Variants in DCC observed in about 807,000 individuals in gnomAD.
The protein encoded by DCC is DCC netrin 1 receptor.
DCC carries 58 observed loss-of-function variants against 172.5 expected under a neutral mutation model. The ratio of observed to expected loss-of-function variants is 0.34; its 90% confidence interval spans 0.27 to 0.42. The LOEUF is 0.42. Ranked by LOEUF, DCC falls within the 10% of genes least tolerant of loss-of-function variation. The pLI is 1.00. For synonymous variants in DCC, 709 were observed against 644.5 expected (o/e 1.10, Z -1.52); for missense variants, 1,740 against 1,791.0 (o/e 0.97, Z 0.51).
chr18:53,128,051 C>A (rs1175659710), intron 7 of DCC, among the ~76,000 whole-genome samples: 1 of 152,000 alleles, frequency 6.6e-6, no homozygotes, highest in African/African-American at 2.4e-5. Flanking sequence ...ACATAGCTGG[C>A]AAAGTGACTC....
At chr18:53,111,261 AG>A (rs2043326753) in intron 7 of DCC, among the ~76,000 whole-genome samples, 1 of 70,130 alleles carries the variant, frequency 1.4e-5, no homozygotes, top group South Asian at 6.3e-4. Context: ...GGGTGGGGGG[AG>A]GGGGGAGGGA....
At chr18:53,109,117 A>G (rs2043293875) in intron 7 of DCC, among the ~76,000 whole-genome samples, 1 of 151,434 alleles carries the variant, frequency 6.6e-6, no homozygotes, top group Non-Finnish European at 1.5e-5. Flanking sequence ...ATCTCATTGT[A>G]GCTTTAATAT....
chr18:52,977,187 G>A (rs1414419720), intron 5 of DCC, among the ~76,000 whole-genome samples: 2 of 151,640 alleles, frequency 1.3e-5, no homozygotes, highest in African/African-American at 4.8e-5. Context: ...AGTCATTTTT[G>A]CTGGGAAAAA....
At chr18:52,604,281 T>C (rs1326941616) in intron 1 of DCC, among the ~76,000 whole-genome samples, 3 of 152,090 alleles carry the variant, frequency 2.0e-5, no homozygotes, top group Non-Finnish European at 2.9e-5. Context: ...GTCAGTCCCA[T>C]CTCAATAATC....
Position 53,309,201 on chromosome 18 carries a change from C to A in DCC, c.2053+3482C>A, listed in dbSNP as rs566565606. On this transcript the variant is annotated intron_variant, in intron 13 of 28. Coordinates refer to ENST00000442544, the MANE Select transcript of DCC (RefSeq NM_005215.4). ...TATAGGTGTGTTTCACCACACCCAG[C>A]TAATTTTTTAAATTTTTCGTAGAGA... Among the ~76,000 whole-genome samples the A allele has an allele frequency of 1.2e-4, 19 of 152,192 alleles. No homozygotes were observed. The South Asian group carries it at 3.5e-3, about 28-fold the overall frequency.
At chr18:53,206,312 T>TACC (rs749338879) in intron 10 of DCC, among the ~76,000 whole-genome samples, 99 of 93,094 alleles carry the variant, frequency 1.1e-3, no homozygotes, top group African/African-American at 3.9e-3. Flanking sequence ...AACACATATA[T>TACC]ACATATATGT....
At chr18:53,432,050 CTA>C (rs755130606) in intron 21 of DCC, among the ~76,000 whole-genome samples, 4 of 151,946 alleles carry the variant, frequency 2.6e-5, no homozygotes, top group East Asian at 1.9e-4. Flanking sequence ...ATAAATATAA[CTA>C]TGAAACATAT....
At chr18:52,427,887 CCTTCCTTG>C in intron 1 of DCC, among the ~76,000 whole-genome samples, 1 of 139,368 alleles carries the variant, frequency 7.2e-6, no homozygotes, top group Non-Finnish European at 1.6e-5. Flanking sequence ...TTCCTTCCTT[CCTTCCTTG>C]GCACATCTTT....
intron 1 of DCC, among the ~76,000 whole-genome samples, chr18:52,557,833 T>C (rs2032948918): frequency 6.6e-6 from 1 of 152,140 alleles, no homozygotes; most frequent in Admixed American, 6.6e-5. Flanking sequence ...CTAATTTTGG[T>C]ATTTTTGGTA....
intron 5 of DCC, among the ~76,000 whole-genome samples, chr18:52,991,900 T>A (rs966146258): frequency 2.1e-4 from 32 of 152,174 alleles, no homozygotes; most frequent in African/African-American, 7.0e-4. Flanking sequence ...CCATTTCTTC[T>A]ATAGCTAGCA....
intron 8 of DCC, among the ~76,000 whole-genome samples, chr18:53,170,949 G>C (rs1011331392): frequency 1.3e-5 from 2 of 152,126 alleles, no homozygotes; most frequent in Non-Finnish European, 2.9e-5. Context: ...GTAATGGCAT[G>C]ATCTCAGCTC....
At chr18:52,596,104 A>T (rs1439708780) in intron 1 of DCC, among the ~76,000 whole-genome samples, 1 of 152,174 alleles carries the variant, frequency 6.6e-6, no homozygotes, top group African/African-American at 2.4e-5. Context: ...CTCAGCACTT[A>T]CAATCTTTAT....
intron 1 of DCC, among the ~76,000 whole-genome samples, chr18:52,682,518 G>A (rs1460202): frequency 0.46 from 69,753 of 151,512 alleles, 16,158 homozygotes; most frequent in Non-Finnish European, 0.51. Flanking sequence ...TGTGAGATGA[G>A]GCTGGAGAGG....
chr18:52,573,049 G>A (rs1243048924), intron 1 of DCC, among the ~76,000 whole-genome samples: 2 of 152,112 alleles, frequency 1.3e-5, no homozygotes, highest in Admixed American at 6.5e-5. Context: ...CGTATGTAAT[G>A]TGATAGAAAC....
intron 12 of DCC, among the ~76,000 whole-genome samples, chr18:53,282,886 C>T (rs1259874500): frequency 1.3e-5 from 2 of 152,202 alleles, no homozygotes; most frequent in Non-Finnish European, 2.9e-5. Context: ...TGGCCCTAGT[C>T]ATTAATCCTA....
chr18:53,105,261 G>A (rs1182468752), intron 7 of DCC, among the ~76,000 whole-genome samples: 2 of 151,964 alleles, frequency 1.3e-5, no homozygotes, highest in Non-Finnish European at 2.9e-5. Flanking sequence ...AGAAAGCCAA[G>A]CATCTTCTTG....
At chr18:52,479,548 G>GTC (rs1463414545) in intron 1 of DCC, among the ~76,000 whole-genome samples, 5 of 147,098 alleles carry the variant, frequency 3.4e-5, no homozygotes, top group East Asian at 2.1e-4. Context: ...CTCTCTCTCT[G>GTC]TCTCTCTCTC....
intron 3 of DCC, among the ~76,000 whole-genome samples, chr18:52,908,666 C>T (rs945268892): frequency 2.0e-5 from 3 of 152,072 alleles, no homozygotes; most frequent in Admixed American, 6.6e-5. Context: ...GTTTCTTCAC[C>T]TTGCAACAGC....
At chr18:52,432,983 A>G (rs1987675090) in intron 1 of DCC, among the ~76,000 whole-genome samples, 1 of 152,214 alleles carries the variant, frequency 6.6e-6, no homozygotes, top group Admixed American at 6.5e-5. Context: ...AAGCAAATAA[A>G]TAAAACAACA....
Sources: allele counts gnomAD v4.1 joint callset (sites outside exome capture counted in the v4.1 genomes callset), GRCh38; gene constraint gnomAD v4.1.1; transcripts MANE v1.5; gene names NCBI Gene and HGNC (gene_info 2026-07-23, HGNC 2026-07-21).